FOCAD: variants seen among roughly 807,000 people sequenced by gnomAD.
FOCAD encodes focadhesin.
FOCAD carries 198 observed loss-of-function variants against 225.6 expected under a neutral mutation model. That is an observed-to-expected ratio of 0.88 (90% CI 0.78 to 0.99). FOCAD has a LOEUF of 0.99. FOCAD is among the 50% of genes least tolerant of loss of function. The pLI is 0.00. For missense variants in FOCAD, 2,713 were observed against 2,123.6 expected (o/e 1.28, Z -5.46); for synonymous variants, 897 against 755.0 (o/e 1.19, Z -3.08).
intron 37 of FOCAD, among the ~76,000 whole-genome samples, chr9:20,978,927 T>C (rs1012249156): frequency 3.9e-5 from 6 of 152,136 alleles, no homozygotes; most frequent in Non-Finnish European, 7.3e-5. Context: ...CCAGGGGATG[T>C]AGGTGGGAGA....
At chr9:20,671,451 T>C (rs1822061165) in intron 2 of FOCAD, among the ~76,000 whole-genome samples, 1 of 152,044 alleles carries the variant, frequency 6.6e-6, no homozygotes, top group Non-Finnish European at 1.5e-5. Context: ...AAGCTTTCTC[T>C]AAGTGGAATG....
intron 35 of FOCAD, among the ~76,000 whole-genome samples, chr9:20,958,754 C>CTT (rs1347662401): frequency 2.0e-5 from 3 of 152,078 alleles, no homozygotes; most frequent in African/African-American, 7.2e-5. Context: ...GATCAACTTT[C>CTT]TTTTTGCTTC....
In FOCAD at chr9:20,827,178, G is replaced by A. The variant is rs118133276; in HGVS notation, c.1920+4063G>A. On this transcript the variant is annotated intron_variant, in intron 15 of 43. Transcript: ENST00000338382. ...TTAACTCCCCACAAAACTCCATACC[G>A]TTTAGATGTCACCCCCTAATCTCCA... Among the ~76,000 whole-genome samples, 1,465 of 151,948 alleles carry A rather than the reference G, an allele frequency of 9.6e-3. 6 individuals carry two copies. The highest frequency in any genetic ancestry group is 0.014 in the Middle Eastern group (4 of 294).
chr9:20,793,901 G>T (rs1820794936), intron 11 of FOCAD, among the ~76,000 whole-genome samples: 1 of 152,146 alleles, frequency 6.6e-6, no homozygotes, highest in Non-Finnish European at 1.5e-5. Flanking sequence ...CTTATTTAGT[G>T]GAGAGGGAAG....
At chr9:20,865,705 A>T (rs1472093466) in intron 16 of FOCAD, among the ~76,000 whole-genome samples, 1 of 152,094 alleles carries the variant, frequency 6.6e-6, no homozygotes, top group African/African-American at 2.4e-5. Context: ...AAATTTCATT[A>T]TCTTAAAATC....
intron 2 of FOCAD, among the ~76,000 whole-genome samples, chr9:20,660,991 G>C (rs1482791370): frequency 3.9e-5 from 6 of 152,172 alleles, no homozygotes; most frequent in Admixed American, 3.9e-4. Context: ...CCACGGGAAA[G>C]GAGTCAGCAG....
intron 1 of FOCAD, among the ~76,000 whole-genome samples, chr9:20,690,411 G>A (rs1413724635): frequency 2.0e-5 from 3 of 151,924 alleles, no homozygotes; most frequent in African/African-American, 7.3e-5. Flanking sequence ...TACCCCTTAT[G>A]GTATAACTAT....
intron 5 of FOCAD, among the ~76,000 whole-genome samples, chr9:20,751,251 C>T (rs1477651425): frequency 1.3e-5 from 2 of 149,438 alleles, no homozygotes; most frequent in Non-Finnish European, 3.0e-5. Context: ...TGCTGGTGCG[C>T]TGCACCCACT....
rs780591763 is a variant in FOCAD at position 20,916,884 on chromosome 9, T to G, written c.2808-9T>G. 1.2e-6 allele frequency: 2 copies of G among 1,600,686 alleles called. No homozygotes were observed. Among genetic ancestry groups the G allele is most frequent in the Middle Eastern group, 1.7e-4 (1 of 6,030 alleles). ...ATAAACTCTCGTCTATTTTCCATCTTTATTGCAGGGTTAGAGACATGCTGA... is the reference window on the plus strand; with the variant it reads ...ATAAACTCTCGTCTATTTTCCATCTGTATTGCAGGGTTAGAGACATGCTGA... On this transcript the variant is annotated splice_polypyrimidine_tract_variant and intron_variant, in intron 23 of 43. Coordinates refer to ENST00000338382, the MANE Select transcript of FOCAD (RefSeq NM_001375567.1).
intron 7 of FOCAD, among the ~76,000 whole-genome samples, chr9:20,767,987 T>C (rs1830203766): frequency 6.6e-6 from 1 of 152,130 alleles, no homozygotes; most frequent in Non-Finnish European, 1.5e-5. Flanking sequence ...TAATCCATCT[T>C]GAATTGATTT....
intron 25 of FOCAD, among the ~76,000 whole-genome samples, chr9:20,924,689 G>A (rs1199912499): frequency 6.6e-6 from 1 of 151,974 alleles, no homozygotes; most frequent in African/African-American, 2.4e-5. Flanking sequence ...ATCAACTCTG[G>A]TGACTCATTT....
In FOCAD at chr9:20,858,815, T is replaced by C. The variant is rs561613351; in HGVS notation, c.1921-3763T>C. Reference sequence around the variant, plus strand: ...TTCTTCATTTGTTTCAAGGAATTTTTCACTTTGCTTTTTAATTTCTTCATT... The same window carrying C: ...TTCTTCATTTGTTTCAAGGAATTTTCCACTTTGCTTTTTAATTTCTTCATT... On this transcript the variant is annotated intron_variant, in intron 15 of 43. Transcript: ENST00000338382. Among the ~76,000 whole-genome samples the C allele has an allele frequency of 3.6e-5, 5 of 138,082 alleles. No individual in the cohort carries two copies. In the South Asian group the frequency reaches 1.1e-3, roughly 32 times the overall value. The allele number at this position is 138,082 out of a possible 152,430, so 90.6% of individuals were successfully genotyped here. A position where few individuals can be genotyped will look rare whatever the true frequency, so the allele number is the denominator to read the frequency against.
chr9:20,758,124 C>G lies in FOCAD; in HGVS notation c.427C>G (p.His143Asp), dbSNP rs1304780355. Reference protein sequence around the residue: ...HPHPLITVLEHRPDCWPVFLQ... With the variant: ...HPHPLITVLEDRPDCWPVFLQ... The stretch of plus-strand genomic sequence containing the variant: ...TCATCCTTTGATAACTGTGCTTGAA[C>G]ACAGACCTGATTGCTGGCCAGTGTT... The change falls in exon 6 of 44, where the codon CAC becomes GAC. Residue 143 changes from histidine (H) to aspartate (D), a missense_variant. By Grantham distance (81) the His-to-Asp change is moderately conservative. Transcript: ENST00000338382. 6.2e-7 allele frequency: 1 copy of G among 1,612,262 alleles called. No individual in the cohort carries two copies. Among genetic ancestry groups the G allele is most frequent in the African/African-American group, 1.3e-5 (1 of 74,818 alleles).
Position 20,951,095 on chromosome 9 carries a change from T to C in FOCAD, c.4048T>C (p.Ser1350Pro), listed in dbSNP as rs377220966. The C allele has an allele frequency of 3.7e-6, 6 of 1,611,070 alleles. No homozygotes were observed. In the East Asian group the frequency reaches 8.9e-5, roughly 24 times the overall value. ...TCTATCCTCAAGTCAAAGTAGAGCC[T>C]CTGGTAAGATTAAAGTCATAAAATA... ...STLSSSQSRASVPTDYSYLPE... is the reference protein window; with the variant it reads ...STLSSSQSRAPVPTDYSYLPE... Residue 1350 changes from serine (S) to proline (P), a missense_variant, in exon 34 of 44, where the codon TCT becomes CCT. By Grantham distance (74) the Ser-to-Pro change is moderately conservative. Coordinates refer to ENST00000338382, the MANE Select transcript of FOCAD (RefSeq NM_001375567.1).
chr9:20,707,766 T>G (rs930893402), intron 1 of FOCAD, among the ~76,000 whole-genome samples: 1 of 152,160 alleles, frequency 6.6e-6, no homozygotes, highest in African/African-American at 2.4e-5. Flanking sequence ...GTGGACCTTT[T>G]CTCAAGGGTC....
intron 1 of FOCAD, among the ~76,000 whole-genome samples, chr9:20,707,217 C>T (rs958774551): frequency 1.1e-4 from 17 of 152,154 alleles, no homozygotes; most frequent in African/African-American, 4.1e-4. Flanking sequence ...CACTGAGTTG[C>T]TATCTACTTC....
At position 20,974,045 on chromosome 9, in the gene FOCAD, T is replaced by G. The variant is rs558162999; in HGVS notation, c.4133-2375T>G. On this transcript the variant is annotated intron_variant, in intron 35 of 43. Transcript: ENST00000338382. ...CTCTGCTTCTCCTTTTTCCTGTGCT[T>G]CTCTTTTCTGCTGCTGTTTTCACTT... is the stretch of plus-strand genomic sequence containing the variant. Among the ~76,000 whole-genome samples the G allele has an allele frequency of 3.5e-4, 51 of 147,722 alleles. No individual in the cohort carries two copies. In the South Asian group the frequency reaches 0.011, roughly 32 times the overall value.
intron 7 of FOCAD, among the ~76,000 whole-genome samples, chr9:20,767,845 C>A (rs1422616448): frequency 6.6e-6 from 1 of 151,364 alleles, no homozygotes. Flanking sequence ...TCCCATTTGT[C>A]AATTTTGTCT....
At chr9:20,980,666 G>GA (rs1564237458) in intron 37 of FOCAD, among the ~76,000 whole-genome samples, 1 of 151,952 alleles carries the variant, frequency 6.6e-6, no homozygotes, top group Non-Finnish European at 1.5e-5. Flanking sequence ...GTGCTATCTT[G>GA]AAAAAACAAA....
Sources: gnomAD v4.1 joint callset for allele counts (sites outside exome capture counted in the v4.1 genomes callset) on GRCh38, gnomAD v4.1.1 for gene constraint, MANE v1.5 for transcripts, NCBI Gene and HGNC (gene_info 2026-07-23, HGNC 2026-07-21) for gene names.